FREM1: variants seen among roughly 807,000 people sequenced by gnomAD.
FREM1 encodes FRAS1 related extracellular matrix 1, also known as FRAS1-related extracellular matrix protein 1.
FREM1 carries 220 observed loss-of-function variants against 210.1 expected under a neutral mutation model. The ratio of observed to expected loss-of-function variants is 1.05; its 90% CI spans 0.94 to 1.17. The LOEUF (loss-of-function observed/expected upper bound fraction) is 1.17, where lower values mean the gene tolerates loss of function less well. Ranked by LOEUF, FREM1 falls within the 50% of genes most tolerant of loss-of-function variation. The pLI is 0.00. For synonymous variants in FREM1, 1,189 were observed against 980.2 expected (o/e 1.21, Z -3.98); for missense variants, 3,454 against 2,675.5 (o/e 1.29, Z -6.42).
intron 25 of FREM1, among the ~76,000 whole-genome samples, 183 bp from the exon 26 acceptor site, chr9:14,770,989 G>A (rs1363566393): frequency 6.6e-6 from 1 of 152,080 alleles, no homozygotes; most frequent in Non-Finnish European, 1.5e-5. Context: ...CACAGTGCTT[G>A]GAACAGAGGC....
intron 10 of FREM1, among the ~76,000 whole-genome samples, chr9:14,834,544 A>G (rs2483055): frequency 0.88 from 133,430 of 152,192 alleles, 58,679 homozygotes; most frequent in East Asian, 0.97. Context: ...GAATTTTCAT[A>G]TCATAGTAAA....
intron 1 of FREM1, among the ~76,000 whole-genome samples, chr9:14,903,353 T>C (rs1040878281): frequency 6.6e-6 from 1 of 152,198 alleles, no homozygotes; most frequent in Non-Finnish European, 1.5e-5. Context: ...GCAAAAGGCA[T>C]GTGTCTATAA....
chr9:14,770,300 T>C (rs1847299965), intron 26 of FREM1, among the ~76,000 whole-genome samples: 1 of 152,172 alleles, frequency 6.6e-6, no homozygotes, highest in South Asian at 2.1e-4. Flanking sequence ...GAATAAAAAA[T>C]TAGTCACAAA....
chr9:14,849,483 G>A (rs528182715), intron 6 of FREM1, among the ~76,000 whole-genome samples: 50 of 152,334 alleles, frequency 3.3e-4, no homozygotes, highest in African/African-American at 1.2e-3. Flanking sequence ...GATGTTGACA[G>A]AGAAGAATGA....
At chr9:14,802,023 G>C (rs1249744628) in intron 19 of FREM1, 149 bp from the exon 20 acceptor site, 1 of 565,146 alleles carries the variant, frequency 1.8e-6, no homozygotes. Flanking sequence ...GAAATTGCTG[G>C]TTTAATATGA....
At chr9:14,895,562 G>C (rs1322693542) in intron 1 of FREM1, among the ~76,000 whole-genome samples, 1 of 152,044 alleles carries the variant, frequency 6.6e-6, no homozygotes, top group Admixed American at 6.6e-5. Flanking sequence ...TCCAACAGTT[G>C]CCCAGCTCAT....
rs887781690 is a variant in FREM1, at chr9:14,794,164, C to T, written c.3840-1280G>A. On this transcript the variant is annotated intron_variant, in intron 21 of 36. Transcript: ENST00000380880. ...ATAATCTAGGTTATCCTAAAAGGAT[C>T]CTAGGACAAGGAAGGTAATTTATTT... Among the ~76,000 whole-genome samples, 8 of 152,164 alleles carry T rather than the reference C, an allele frequency of 5.3e-5. No homozygotes were observed. The South Asian group carries it at 1.0e-3, about 20-fold the overall frequency.
At chr9:14,874,693 A>T (rs1229874425) in intron 1 of FREM1, among the ~76,000 whole-genome samples, 3 of 152,096 alleles carry the variant, frequency 2.0e-5, no homozygotes, top group Non-Finnish European at 4.4e-5. Flanking sequence ...GTTATATGTG[A>T]ATTTGATCCT....
chr9:14,903,705 A>T (rs771869257), intron 1 of FREM1, among the ~76,000 whole-genome samples: 1 of 152,246 alleles, frequency 6.6e-6, no homozygotes, highest in Non-Finnish European at 1.5e-5. Flanking sequence ...TGTCCGCTGC[A>T]TGTAATATGA....
chr9:14,910,133 T>C lies in FREM1; in HGVS notation c.-487A>G, dbSNP rs1023056998. 1.3e-5 allele frequency: 2 copies of C among 152,114 alleles called. No individual in the cohort carries two copies. The highest frequency in any genetic ancestry group is 2.4e-5 in the African/African-American group (1 of 41,424). The allele number at this position is 152,114 out of a possible 1,614,324, so 9.4% of individuals were successfully genotyped here. On this transcript the variant is annotated 5_prime_UTR_variant, in exon 1 of 37. Transcript: ENST00000380880. ...ATCCATTAACCCACCTCACAGAAAA[T>C]ACAGAATTGAAGTTCACATACACAC...
In FREM1 at chr9:14,737,400, A is replaced by T; in HGVS notation, c.6536T>A (p.Leu2179His). 1 of 1,613,010 alleles carries T rather than the reference A, an allele frequency of 6.2e-7. No homozygotes were observed. Among genetic ancestry groups the T allele is most frequent in the Non-Finnish European group, 8.5e-7 (1 of 1,179,310 alleles). ...CCCCTGTAGGGTCTGTTATATTTAG[A>T]GTTTTCTGGAACACACATAATTATG... ...KPHNYVCSRKL is the reference protein window; with the variant it reads ...KPHNYVCSRKH The change falls in exon 37 of 37, where the codon CTC becomes CAC. Residue 2179 changes from leucine (L) to histidine (H), a missense_variant. Transcript: ENST00000380880.
At position 14,792,050 on chromosome 9, in the gene FREM1, G is replaced by A. The variant is rs139911758; in HGVS notation, c.3981+693C>T. On this transcript the variant is annotated intron_variant, in intron 22 of 36. Coordinates refer to ENST00000380880, the MANE Select transcript of FREM1 (RefSeq NM_001379081.2). ...AGTAGAGATGGGGTTTCACCACGTTGGCCAGGATGGTCTTGATCTCCTGAC... is the reference window on the plus strand; with the variant it reads ...AGTAGAGATGGGGTTTCACCACGTTAGCCAGGATGGTCTTGATCTCCTGAC... Among the ~76,000 whole-genome samples, 312 of 152,090 alleles carry A rather than the reference G, an allele frequency of 2.1e-3. 2 individuals carry two copies. Among genetic ancestry groups the A allele is most frequent in the East Asian group, 7.7e-3 (40 of 5,164 alleles).
chr9:14,741,801 C>T (rs1563807734), intron 35 of FREM1, among the ~76,000 whole-genome samples: 3 of 152,198 alleles, frequency 2.0e-5, no homozygotes, highest in Admixed American at 6.5e-5. Context: ...TTTGCAGCCT[C>T]AACTTCAGCA....
intron 21 of FREM1, among the ~76,000 whole-genome samples, chr9:14,797,017 G>A (rs867260498): frequency 1.3e-5 from 2 of 152,028 alleles, no homozygotes; most frequent in South Asian, 4.1e-4. Flanking sequence ...GAGAACTGGT[G>A]GACAAAAAAG....
In FREM1 at chr9:14,848,777, TA is replaced by T. The variant is rs1467227791; in HGVS notation, c.1153-5del. Reference sequence around the variant, plus strand: ...AGTCGTATACCTCCAATTCTACCTGTAAACAAACAGAGGCAAAGGAGCCACA... The same window carrying T: ...AGTCGTATACCTCCAATTCTACCTGTAACAAACAGAGGCAAAGGAGCCACA... On this transcript the variant is annotated splice_region_variant and splice_polypyrimidine_tract_variant and intron_variant, in intron 6 of 36. Transcript: ENST00000380880. 6.3e-7 allele frequency: 1 copy of T among 1,581,052 alleles called. No individual in the cohort carries two copies. The highest frequency in any genetic ancestry group is 2.2e-5 in the East Asian group (1 of 44,706).
intron 28 of FREM1, among the ~76,000 whole-genome samples, chr9:14,757,912 G>C (rs1280412051): frequency 5.3e-5 from 8 of 152,180 alleles, no homozygotes. Flanking sequence ...ATTGTGAAAA[G>C]GCAGCCCATT....
chr9:14,798,413 C>T (rs1371579993), intron 20 of FREM1, among the ~76,000 whole-genome samples: 1 of 152,000 alleles, frequency 6.6e-6, no homozygotes, highest in Non-Finnish European at 1.5e-5. Context: ...GAGTTCGAGG[C>T]CAGTTCGGAA....
chr9:14,781,250 T>TA (rs1477738439), intron 24 of FREM1, among the ~76,000 whole-genome samples: 1 of 151,322 alleles, frequency 6.6e-6, no homozygotes, highest in Non-Finnish European at 1.5e-5. Flanking sequence ...AAATAACATA[T>TA]AAAAAAAGTC....
chr9:14,878,868 C>A (rs1448290800), intron 1 of FREM1, among the ~76,000 whole-genome samples: 1 of 151,820 alleles, frequency 6.6e-6, no homozygotes, highest in Non-Finnish European at 1.5e-5. Context: ...AAAACAAAAA[C>A]AAAAAGGCCA....
Sources: gnomAD v4.1 joint callset for allele counts (sites outside exome capture counted in the v4.1 genomes callset) on GRCh38, gnomAD v4.1.1 for gene constraint, MANE v1.5 for transcripts, NCBI Gene and HGNC (gene_info 2026-07-23, HGNC 2026-07-21) for gene names.